IFT140: variants seen among roughly 807,000 people sequenced by gnomAD.
The protein encoded by IFT140 is intraflagellar transport protein 140 homolog.
A neutral mutation model predicts 164.6 loss-of-function variants in IFT140; 133 were observed. The observed-to-expected ratio is 0.81, with a 90% CI of 0.70 to 0.93. IFT140 has a LOEUF of 0.93. IFT140 is among the 40% of genes least tolerant of loss of function. The probability of loss-of-function intolerance (pLI) is 0.00; values close to 1 mark genes in which losing one functional copy is unlikely to be tolerated. For synonymous variants in IFT140, 860 were observed against 817.3 expected, an observed-to-expected ratio of 1.05 and a Z score of -0.89; for missense variants, 2,045 against 1,972.3, an observed-to-expected ratio of 1.04 and a Z score of -0.70.
chr16:1,524,061 A>T, intron 24 of IFT140, 105 bp from the exon 25 acceptor site: 1 of 1,420,138 alleles, frequency 7.0e-7, no homozygotes, highest in South Asian at 1.3e-5. Context: ...TCACTTTGAC[A>T]CACTGCTCAG....
At chr16:1,611,384 C>T (rs2036312546) in intron 1 of IFT140, among the ~76,000 whole-genome samples, 1 of 148,570 alleles carries the variant, frequency 6.7e-6, no homozygotes, top group Non-Finnish European at 1.5e-5. Context: ...CCTCTAGTCT[C>T]GGCTACAGGA....
At chr16:1,523,248 A>T (rs1311686319) in intron 26 of IFT140, among the ~76,000 whole-genome samples, 1 of 151,304 alleles carries the variant, frequency 6.6e-6, no homozygotes, top group Non-Finnish European at 1.5e-5. Context: ...CTAAGATGGT[A>T]AATTTTGTGT....
chr16:1,545,350 C>A (rs935713695), intron 19 of IFT140, among the ~76,000 whole-genome samples: 9 of 151,688 alleles, frequency 5.9e-5, no homozygotes, highest in Non-Finnish European at 1.0e-4. Context: ...TTCTTGCCCC[C>A]ACAGGCCACC....
intron 27 of IFT140, 107 bp from the exon 28 acceptor site, chr16:1,520,450 G>T: frequency 7.3e-7 from 1 of 1,368,292 alleles, no homozygotes; most frequent in Non-Finnish European, 1.0e-6. Flanking sequence ...GGGCTGCCCG[G>T]TAGAGAGAGA....
rs2141571779 is a variant in IFT140, at chr16:1,566,311, G to C, written c.1771-20C>G. ...GTCAGCCTAGGAGAAGAGAAAACCA[G>C]AAAGCTCACGGAGCCTGCCCAGACC... On this transcript the variant is annotated intron_variant, in intron 15 of 30. Coordinates refer to ENST00000426508, the MANE Select transcript of IFT140 (RefSeq NM_014714.4). 6.2e-7 allele frequency: 1 copy of C among 1,612,088 alleles called. No individual in the cohort carries two copies. The highest frequency in any genetic ancestry group is 1.7e-5 in the Admixed American group (1 of 59,976).
At chr16:1,534,227 G>A (rs528441176) in intron 19 of IFT140, 8 of 1,597,802 alleles carry the variant, frequency 5.0e-6, no homozygotes, top group South Asian at 2.2e-5. Context: ...GTGCGGCCGC[G>A]GACTGGGACT....
intron 19 of IFT140, among the ~76,000 whole-genome samples, chr16:1,544,184 A>ATT (rs1237730678): frequency 3.3e-4 from 38 of 115,148 alleles, no homozygotes; most frequent in South Asian, 1.7e-3. Context: ...CGCCCCACTA[A>ATT]TTTTTTTTTT....
chr16:1,557,055 G>C (rs1053524683), intron 19 of IFT140, among the ~76,000 whole-genome samples: 2 of 152,156 alleles, frequency 1.3e-5, no homozygotes, highest in Admixed American at 6.6e-5. Flanking sequence ...CCCGACCTCA[G>C]GTGATCCACC....
At chr16:1,529,010 T>C (rs2064291) in intron 19 of IFT140, among the ~76,000 whole-genome samples, 30,083 of 151,960 alleles carry the variant, frequency 0.2, 3,743 homozygotes, top group African/African-American at 0.34. Flanking sequence ...GCAGGCTCGG[T>C]GCACTTGTGT....
intron 4 of IFT140, 58 bp downstream of exon 4, chr16:1,602,312 C>T (rs369081013): frequency 5.5e-6 from 8 of 1,452,364 alleles, no homozygotes; most frequent in South Asian, 3.5e-5. Flanking sequence ...TTCATACTCT[C>T]GAGCATGGTC....
chr16:1,568,605 G>A (rs1049381045), intron 14 of IFT140, among the ~76,000 whole-genome samples: 2 of 152,128 alleles, frequency 1.3e-5, no homozygotes, highest in Non-Finnish European at 2.9e-5. Context: ...TTCTAGGCCA[G>A]GCGTGGTGGC....
At chr16:1,550,904 G>A (rs1282015032) in intron 19 of IFT140, among the ~76,000 whole-genome samples, 1 of 152,254 alleles carries the variant, frequency 6.6e-6, no homozygotes, top group Non-Finnish European at 1.5e-5. Context: ...AGGCTGAACA[G>A]GCCTGTTGAG....
chr16:1,528,400 TGCACACACATGGAC>T (rs1288143780), intron 19 of IFT140, among the ~76,000 whole-genome samples: 4 of 145,062 alleles, frequency 2.8e-5, no homozygotes, highest in Admixed American at 1.4e-4. Context: ...CACACACGGA[TGCACACACATGGAC>T]GCACATGCAC....
chr16:1,571,619 G>T (rs1057068040), intron 13 of IFT140, 85 bp from the exon 14 acceptor site: 27 of 1,349,928 alleles, frequency 2.0e-5, no homozygotes, highest in Non-Finnish European at 2.6e-5. Flanking sequence ...ACAAGAAATG[G>T]ATATATTTCA....
chr16:1,594,380 C>G, intron 4 of IFT140, among the ~76,000 whole-genome samples: 1 of 152,056 alleles, frequency 6.6e-6, no homozygotes, highest in East Asian at 1.9e-4. Flanking sequence ...ACCACCACAG[C>G]TGGCTAATTT....
intron 2 of IFT140, 102 bp from the exon 3 acceptor site, chr16:1,607,399 C>G (rs952342060): frequency 1.9e-6 from 2 of 1,051,028 alleles, no homozygotes; most frequent in Non-Finnish European, 2.7e-6. Flanking sequence ...AAGCCACCAT[C>G]GGAAGACCAT....
chr16:1,526,567 G>C (rs2141183648), intron 20 of IFT140, 52 bp downstream of exon 20: 1 of 1,440,318 alleles, frequency 6.9e-7, no homozygotes, highest in African/African-American at 1.4e-5. Flanking sequence ...GGGGGCCGTG[G>C]CTGTGGCAGG....
intron 13 of IFT140, among the ~76,000 whole-genome samples, chr16:1,578,937 G>A (rs2034415447): frequency 6.6e-6 from 1 of 152,086 alleles, no homozygotes; most frequent in Admixed American, 6.6e-5. Flanking sequence ...GTTTCAAACC[G>A]CTGGGTTCAA....
At chr16:1,610,247 G>A (rs2036267653) in intron 2 of IFT140, 1 of 154,934 alleles carries the variant, frequency 6.5e-6, no homozygotes, top group South Asian at 2.0e-4. Flanking sequence ...GTACTGAGAA[G>A]CCATGCGCTG....
Sources: allele counts gnomAD v4.1 joint callset (sites outside exome capture counted in the v4.1 genomes callset), GRCh38; gene constraint gnomAD v4.1.1; transcripts MANE v1.5; gene names NCBI Gene and HGNC (gene_info 2026-07-23, HGNC 2026-07-21).